The following PRLR variants were observed in gnomAD, a reference collection of about 807,000 sequenced individuals.
PRLR encodes the protein hPRL receptor.
A neutral mutation model predicts 40.2 loss-of-function variants in PRLR; 13 were observed. The ratio of observed to expected loss-of-function variants is 0.32; its 90% CI spans 0.21 to 0.51. The LOEUF (loss-of-function observed/expected upper bound fraction) is 0.51. PRLR is among the 20% of genes least tolerant of loss of function. The pLI is 0.97. For synonymous variants in PRLR, 269 were observed against 278.7 expected, an observed-to-expected ratio of 0.97 and a Z score of 0.35; for missense variants, 656 against 747.3, an observed-to-expected ratio of 0.88 and a Z score of 1.42.
chr5:35,217,521 G>A (rs913975276), intron 1 of PRLR, among the ~76,000 whole-genome samples: 2 of 152,122 alleles, frequency 1.3e-5, no homozygotes, highest in African/African-American at 4.8e-5. Context: ...TACTACTGGG[G>A]GATCAGCAAT....
intron 1 of PRLR, among the ~76,000 whole-genome samples, chr5:35,228,047 C>T (rs1776594366): frequency 6.6e-6 from 1 of 152,028 alleles, no homozygotes; most frequent in African/African-American, 2.4e-5. Flanking sequence ...CATAACTAGA[C>T]CAGAACTAAT....
intron 1 of PRLR, among the ~76,000 whole-genome samples, chr5:35,139,213 C>A (rs1773943263): frequency 6.6e-6 from 1 of 152,140 alleles, no homozygotes; most frequent in African/African-American, 2.4e-5. Context: ...CGGCTCTTTG[C>A]AACCTCTGCC....
At chr5:35,196,223 C>G (rs2111587854) in intron 1 of PRLR, among the ~76,000 whole-genome samples, 1 of 152,276 alleles carries the variant, frequency 6.6e-6, no homozygotes, top group South Asian at 2.1e-4. Context: ...CAAGTTTGGA[C>G]TCAATCCTAT....
Position 35,056,123 on chromosome 5 carries a change from A to G in PRLR, c.*8966T>C, listed in dbSNP as rs1329099797. On this transcript the variant is annotated 3_prime_UTR_variant, in exon 10 of 10. Transcript: ENST00000618457. ...CTGTGCTTCAAGTCAGTTTGTAAGT[A>G]TCTGTTTTTAATGTGAACCTGATGA... The G allele has an allele frequency of 6.6e-6, 1 of 152,116 alleles. No homozygotes were observed. The highest frequency in any genetic ancestry group is 1.5e-5 in the Non-Finnish European group (1 of 68,018). 9.4% of individuals were successfully genotyped at this position (152,116 alleles called of 1,614,324 possible).
At chr5:35,225,339 TGAGGGTGGGG>T (rs1776521593) in intron 1 of PRLR, among the ~76,000 whole-genome samples, 1 of 152,130 alleles carries the variant, frequency 6.6e-6, no homozygotes, top group Non-Finnish European at 1.5e-5. Context: ...ACCAGCAGCA[TGAGGGTGGGG>T]GAGAAGGAAG....
chr5:35,158,279 C>T (rs1420118070), intron 1 of PRLR, among the ~76,000 whole-genome samples: 3 of 152,038 alleles, frequency 2.0e-5, no homozygotes, highest in African/African-American at 7.2e-5. Context: ...GTATTGAGAG[C>T]AGGAGAGGGT....
intron 1 of PRLR, among the ~76,000 whole-genome samples, chr5:35,206,406 G>A (rs1776021662): frequency 6.6e-6 from 1 of 152,078 alleles, no homozygotes; most frequent in Non-Finnish European, 1.5e-5. Context: ...CCATAGAACT[G>A]CTCAGGAATG....
downstream of PRLR, among the ~76,000 whole-genome samples, chr5:35,052,099 C>A (rs1768515024): frequency 6.6e-6 from 1 of 151,966 alleles, no homozygotes; most frequent in Non-Finnish European, 1.5e-5. Context: ...TTACTTAATC[C>A]TAGAAGATTT....
At position 35,084,614 on chromosome 5, in the gene PRLR, C is replaced by T. The variant is rs1770729210; in HGVS notation, c.229G>A (p.Asp77Asn). The change falls in exon 5 of 10, where the codon GAC becomes AAC. Residue 77 changes from aspartate to asparagine, a missense_variant. By Grantham distance (23) the Asp-to-Asn change is conservative. This residue lies in a region of PRLR where 180 missense variants were observed against 236.8 expected (regional missense o/e 0.76). Coordinates refer to ENST00000618457, the MANE Select transcript of PRLR (RefSeq NM_000949.7). ...EGETLMHECP[D>N]YITGGPNSCH... ...GAGTTGGGGCCACCGGTTATGTAGT[C>T]TGGACATTCATGCATGAGTGTCTCT... 6.2e-7 allele frequency: 1 copy of T among 1,610,776 alleles called. No individual in the cohort carries two copies. Among genetic ancestry groups the T allele is most frequent in the East Asian group, 2.2e-5 (1 of 44,618 alleles).
At chr5:35,078,101 A>G (rs897999970) in intron 5 of PRLR, among the ~76,000 whole-genome samples, 1 of 152,234 alleles carries the variant, frequency 6.6e-6, no homozygotes, top group Non-Finnish European at 1.5e-5. Context: ...AAGAGAAAGC[A>G]GGGAAGATCT....
rs149887948 is a variant in PRLR, at chr5:35,099,990, C to T, written c.-43-10327G>A. Among the ~76,000 whole-genome samples, 274 of 151,912 alleles carry T rather than the reference C, an allele frequency of 1.8e-3. 1 individual carries two copies. The highest frequency in any genetic ancestry group is 6.1e-3 in the African/African-American group (253 of 41,456). On this transcript the variant is annotated intron_variant, in intron 2 of 9. Coordinates refer to ENST00000618457, the MANE Select transcript of PRLR (RefSeq NM_000949.7). ...AGGAGTTTGAGACTAGCCTGGCCAA[C>T]ATGGTGAAACCCCGTCTCTACTAAA...
intron 1 of PRLR, among the ~76,000 whole-genome samples, chr5:35,204,049 A>T (rs565898510): frequency 6.6e-6 from 1 of 152,098 alleles, no homozygotes; most frequent in African/African-American, 2.4e-5. Context: ...TGTGGGAGGG[A>T]CATGTGTGTT....
intron 1 of PRLR, among the ~76,000 whole-genome samples, chr5:35,181,714 C>T (rs1368954885): frequency 6.6e-6 from 1 of 152,282 alleles, no homozygotes; most frequent in South Asian, 2.1e-4. Context: ...GATCCTCAAG[C>T]CTTCTTAAGC....
At position 35,065,187 on chromosome 5, in the gene PRLR, C is replaced by T; in HGVS notation, c.1771G>A (p.Ala591Thr). Residue 591 changes from alanine to threonine, a missense_variant, in exon 10 of 10, where the codon GCC becomes ACC. By Grantham distance (58) the Ala-to-Thr change is moderately conservative. This residue lies in a region of PRLR where 469 missense variants were observed against 491.5 expected (regional missense o/e 0.95). Transcript: ENST00000618457. The part of the protein sequence containing the change: ...PSLEQNQAEK[A>T]LANFTATSSK... ...GATGTTGCAGTGAAGTTGGCCAGGG[C>T]TTTCTCAGCTTGATTCTGTTCAAGT... is the stretch of plus-strand genomic sequence containing the variant. 2 of 1,614,180 alleles carry T rather than the reference C, an allele frequency of 1.2e-6. No individual in the cohort carries two copies. The highest frequency in any genetic ancestry group is 1.7e-6 in the Non-Finnish European group (2 of 1,180,028).
Position 35,058,411 on chromosome 5 carries a change from C to G in PRLR, c.*6678G>C, listed in dbSNP as rs1768840855. The G allele has an allele frequency of 6.6e-6, 1 of 152,188 alleles. No homozygotes were observed. The highest frequency in any genetic ancestry group is 1.5e-5 in the Non-Finnish European group (1 of 68,036). The allele number at this position is 152,188 out of a possible 1,614,324, so 9.4% of individuals were successfully genotyped here. On this transcript the variant is annotated 3_prime_UTR_variant, in exon 10 of 10. Transcript: ENST00000618457. ...TGAACGATGAAGCACAAAATCCAGC[C>G]TCATTATGCAAAGAACACTTGAGAA...
downstream of PRLR, among the ~76,000 whole-genome samples, chr5:35,051,109 C>T (rs1459848629): frequency 2.0e-5 from 3 of 152,152 alleles, no homozygotes; most frequent in South Asian, 2.1e-4. Context: ...CATGTCTCAT[C>T]GGAATTATTG....
Position 35,065,535 on chromosome 5 carries a change from G to T in PRLR, c.1423C>A (p.Gln475Lys). Reference protein sequence around the residue: ...IKSREEGKATQQREVESFHSE... With the variant: ...IKSREEGKATKQREVESFHSE... ...TGGAAGCTTTCTACCTCCCTCTGCT[G>T]GGTTGCCTTTCCCTCTTCTCTAGAC... The change falls in exon 10 of 10, where the codon CAG (glutamine) becomes AAG (lysine). Residue 475 changes from glutamine to lysine, a missense_variant. This residue lies in a region of PRLR where 469 missense variants were observed against 491.5 expected (regional missense o/e 0.95). Coordinates refer to ENST00000618457, the MANE Select transcript of PRLR (RefSeq NM_000949.7). The T allele has an allele frequency of 1.2e-6, 2 of 1,614,088 alleles. No homozygotes were observed. The highest frequency in any genetic ancestry group is 1.7e-6 in the Non-Finnish European group (2 of 1,180,030).
At chr5:35,051,737 C>T (rs995492605), downstream of PRLR, among the ~76,000 whole-genome samples, 3 of 152,114 alleles carry the variant, frequency 2.0e-5, no homozygotes, top group Non-Finnish European at 4.4e-5. Context: ...AAGGAGAGAA[C>T]TGTTTAGCCA....
Position 35,174,881 on chromosome 5 carries a change from C to G in PRLR, c.-106+55387G>C, listed in dbSNP as rs138820572. Among the ~76,000 whole-genome samples the G allele has an allele frequency of 4.1e-3, 629 of 152,318 alleles. 5 individuals carry two copies. The highest frequency in any genetic ancestry group is 5.8e-3 in the Non-Finnish European group (394 of 68,030). ...AGACTTGCTCTACTTGGACCAACTC[C>G]TTCTGGCTCACACTTGACAAGAGTG... On this transcript the variant is annotated intron_variant, in intron 1 of 9. Transcript: ENST00000618457.
Sources: allele counts gnomAD v4.1 joint callset (sites outside exome capture counted in the v4.1 genomes callset), GRCh38; gene constraint gnomAD v4.1.1; regional missense constraint gnomAD v4.1.1; transcripts MANE v1.5; gene names NCBI Gene and HGNC (gene_info 2026-07-23, HGNC 2026-07-21).